The following NAMPT variants were observed in gnomAD, a reference collection of about 807,000 sequenced individuals.
The protein encoded by NAMPT is nicotinamide phosphoribosyltransferase, also known as NAmPRTase.
NAMPT carries 7 observed loss-of-function variants against 58.7 expected under a neutral mutation model. The observed-to-expected ratio is 0.12, with a 90% CI of 0.07 to 0.22. NAMPT has a LOEUF of 0.22. Ranked by LOEUF, NAMPT falls within the 10% of genes least tolerant of loss-of-function variation. The pLI is 1.00. For synonymous variants in NAMPT, 145 were observed against 198.1 expected (o/e 0.73, Z 2.25); for missense variants, 271 against 567.9 (o/e 0.48, Z 5.31).
intron 2 of NAMPT, 163 bp downstream of exon 2, chr7:106,276,858 ACC>A: frequency 1.0e-5 from 6 of 602,172 alleles, no homozygotes; most frequent in African/African-American, 1.9e-5. Flanking sequence ...AAAAAAAAAA[ACC>A]TTTTATTTCA....
intron 8 of NAMPT, among the ~76,000 whole-genome samples, chr7:106,259,158 C>T (rs564205281): frequency 3.3e-4 from 50 of 152,344 alleles, no homozygotes; most frequent in Non-Finnish European, 3.7e-4. Context: ...AGCAAATCCT[C>T]ATCTGTTCAA....
chr7:106,273,690 T>TA (rs1414734485), intron 3 of NAMPT, among the ~76,000 whole-genome samples: 3 of 152,170 alleles, frequency 2.0e-5, no homozygotes, highest in Non-Finnish European at 4.4e-5. Context: ...ATAAGCATAG[T>TA]ACCTAACTTA....
chr7:106,266,891 ACATAGTTAACATT>A (rs1389920315), intron 6 of NAMPT, among the ~76,000 whole-genome samples: 11 of 152,230 alleles, frequency 7.2e-5, no homozygotes, highest in Non-Finnish European at 1.6e-4. Flanking sequence ...CATGATGTGC[ACATAGTTAACATT>A]CAGTGTCAAA....
chr7:106,262,081 T>G (rs1792313693), intron 7 of NAMPT, among the ~76,000 whole-genome samples: 1 of 152,112 alleles, frequency 6.6e-6, no homozygotes, highest in Non-Finnish European at 1.5e-5. Context: ...ACTTTTAATT[T>G]GGACTTATTC....
intron 9 of NAMPT, chr7:106,253,718 A>G (rs761451252): frequency 1.3e-5 from 2 of 153,518 alleles, no homozygotes; most frequent in Non-Finnish European, 2.9e-5. Context: ...GGTAGGCAGC[A>G]AAGAAACAGA....
chr7:106,255,535 G>GA (rs1792184948), intron 8 of NAMPT, among the ~76,000 whole-genome samples: 1 of 151,066 alleles, frequency 6.6e-6, no homozygotes, highest in Non-Finnish European at 1.5e-5. Flanking sequence ...CACTGCAAAG[G>GA]AAAAAACCCA....
At chr7:106,267,797 C>T (rs1031633624) in intron 6 of NAMPT, among the ~76,000 whole-genome samples, 4 of 123,980 alleles carry the variant, frequency 3.2e-5, no homozygotes, top group African/African-American at 9.3e-5. Flanking sequence ...GCCGAGATCC[C>T]GCCACTGCAC....
chr7:106,256,606 C>T (rs1406760688), intron 8 of NAMPT, among the ~76,000 whole-genome samples: 1 of 152,150 alleles, frequency 6.6e-6, no homozygotes, highest in East Asian at 1.9e-4. Context: ...GATTCGCATT[C>T]AGTGGAACAT....
chr7:106,250,135 ATTCAT>A lies in NAMPT; in HGVS notation c.*943_*947del, dbSNP rs1276307849. The A allele has an allele frequency of 6.6e-6, 1 of 152,524 alleles. No individual in the cohort carries two copies. The highest frequency in any genetic ancestry group is 1.5e-5 in the Non-Finnish European group (1 of 67,978). 9.4% of individuals were successfully genotyped at this position (152,524 alleles called of 1,614,324 possible). A position where few individuals can be genotyped will look rare whatever the true frequency, so the allele number is the denominator to read the frequency against. Reference sequence around the variant, plus strand: ...AGTACACTCACTACCCACTCCAGTAATTCATTTAAGTCATACCAACTATAGAATAT... The same window carrying A: ...AGTACACTCACTACCCACTCCAGTAATTAAGTCATACCAACTATAGAATAT... On this transcript the variant is annotated 3_prime_UTR_variant, in exon 11 of 11. Transcript: ENST00000222553.
Position 106,250,429 on chromosome 7 carries a change from T to C in NAMPT, c.*654A>G, listed in dbSNP as rs935778101. 1 of 152,612 alleles carries C rather than the reference T, an allele frequency of 6.6e-6. No homozygotes were observed. The highest frequency in any genetic ancestry group is 2.4e-5 in the African/African-American group (1 of 41,424). The allele number at this position is 152,612 out of a possible 1,614,324, so 9.5% of individuals were successfully genotyped here. On this transcript the variant is annotated 3_prime_UTR_variant, in exon 11 of 11. Transcript: ENST00000222553. ...ACTGTACAGTGCCTAGACATTCCAG[T>C]AAGAACCATTATTTTCTTTAATGTA...
intron 10 of NAMPT, among the ~76,000 whole-genome samples, chr7:106,252,479 A>G (rs1562810921): frequency 6.6e-6 from 1 of 152,126 alleles, no homozygotes; most frequent in Non-Finnish European, 1.5e-5. Flanking sequence ...CTTTTTTCTA[A>G]TAATATGAAT....
In NAMPT at chr7:106,253,270, T is replaced by C. The variant is rs1792135161; in HGVS notation, c.1231-119A>G. On this transcript the variant is annotated intron_variant, in intron 9 of 10. Transcript: ENST00000222553. ...ATTTAAGTTTTAAGCACTTAATAGG[T>C]ATAACTGAACCAATCCACATCTGGC... The C allele has an allele frequency of 4.8e-6, 5 of 1,046,170 alleles. No individual in the cohort carries two copies. In the Admixed American group the frequency reaches 8.2e-5, roughly 17 times the overall value. The allele number at this position is 1,046,170 out of a possible 1,614,324, so 64.8% of individuals were successfully genotyped here.
intron 7 of NAMPT, 89 bp downstream of exon 7, chr7:106,263,303 T>C: frequency 1.1e-6 from 1 of 941,820 alleles, no homozygotes; most frequent in Non-Finnish European, 1.6e-6. Flanking sequence ...CACACAGCTC[T>C]GAAATTGTGT....
intron 10 of NAMPT, 41 bp downstream of exon 10, chr7:106,252,976 C>T: frequency 6.3e-7 from 1 of 1,594,678 alleles, no homozygotes; most frequent in Non-Finnish European, 8.5e-7. Flanking sequence ...GGTGAGCCAA[C>T]CTACTATTGC....
chr7:106,275,547 G>T (rs1178375578), intron 2 of NAMPT: 2 of 152,544 alleles, frequency 1.3e-5, no homozygotes, highest in African/African-American at 4.8e-5. Context: ...CCACTTATAT[G>T]ATGTTTGTGA....
chr7:106,257,805 G>T (rs930323258), intron 8 of NAMPT, among the ~76,000 whole-genome samples: 7 of 152,196 alleles, frequency 4.6e-5, no homozygotes, highest in Admixed American at 2.6e-4. Context: ...GCTGGAACAA[G>T]GAAAGGTAGG....
At position 106,248,551 on chromosome 7, in the gene NAMPT, T is replaced by C. The variant is rs909409895; in HGVS notation, c.*2532A>G. ...CATTATAAAAATTGTTTGATAACAA[T>C]TTAAGAAGGGAAAACAAGGGATACT... On this transcript the variant is annotated 3_prime_UTR_variant, in exon 11 of 11. Transcript: ENST00000222553. 5.9e-5 allele frequency: 9 copies of C among 152,394 alleles called. No individual in the cohort carries two copies. The highest frequency in any genetic ancestry group is 2.2e-4 in the African/African-American group (9 of 41,544). 9.4% of individuals were successfully genotyped at this position (152,394 alleles called of 1,614,324 possible). A position where few individuals can be genotyped will look rare whatever the true frequency, so the allele number is the denominator to read the frequency against.
intron 6 of NAMPT, among the ~76,000 whole-genome samples, chr7:106,267,879 A>AAAAAC (rs1792456667): frequency 7.3e-6 from 1 of 137,208 alleles, no homozygotes; most frequent in Non-Finnish European, 1.6e-5. Context: ...AAAAAAAACA[A>AAAAAC]CCTGATTTAC....
At chr7:106,285,117 G>A, upstream of NAMPT, 2 of 1,330,796 alleles carry the variant, frequency 1.5e-6, no homozygotes, top group South Asian at 3.5e-5. Flanking sequence ...GGGAGCTCTG[G>A]CGGACTCCCC....
Sources: gnomAD v4.1 joint callset for allele counts (sites outside exome capture counted in the v4.1 genomes callset) on GRCh38, gnomAD v4.1.1 for gene constraint, MANE v1.5 for transcripts, NCBI Gene and HGNC (gene_info 2026-07-23, HGNC 2026-07-21) for gene names.